The following RBL1 variants were observed in gnomAD, a reference collection of about 807,000 sequenced individuals.
RBL1 encodes RB transcriptional corepressor like 1.
RBL1 carries 82 observed loss-of-function variants against 123.0 expected under a neutral mutation model. That is an observed-to-expected ratio of 0.67 (90% CI 0.56 to 0.80). The LOEUF (loss-of-function observed/expected upper bound fraction) is 0.80. Among genes scored for constraint, RBL1 ranks in the 30% least tolerant of loss-of-function variants. RBL1 has a pLI of 0.00. For synonymous variants in RBL1, 405 were observed against 441.3 expected, an observed-to-expected ratio of 0.92 and a Z score of 1.03; for missense variants, 1,171 against 1,299.6, an observed-to-expected ratio of 0.90 and a Z score of 1.52.
At chr20:37,059,509 A>G (rs536042787) in intron 9 of RBL1, among the ~76,000 whole-genome samples, 1 of 152,318 alleles carries the variant, frequency 6.6e-6, no homozygotes, top group African/African-American at 2.4e-5. Flanking sequence ...CTGGTGGTAC[A>G]TACGGACTTT....
intron 9 of RBL1, among the ~76,000 whole-genome samples, chr20:37,058,572 G>GT (rs1429815181): frequency 1.1e-4 from 16 of 150,790 alleles, no homozygotes; most frequent in Non-Finnish European, 1.0e-4. Flanking sequence ...TATTTGTTTT[G>GT]TTTTTTTGTT....
intron 11 of RBL1, among the ~76,000 whole-genome samples, chr20:37,054,949 G>A (rs1402431249): frequency 6.6e-6 from 1 of 152,000 alleles, no homozygotes; most frequent in Non-Finnish European, 1.5e-5. Flanking sequence ...GAAAAGACAT[G>A]AAAAAAATTT....
intron 17 of RBL1, 25 bp downstream of exon 17, chr20:37,022,625 C>G (rs780122939): frequency 6.3e-7 from 1 of 1,579,862 alleles, no homozygotes; most frequent in Non-Finnish European, 8.6e-7. Context: ...CCATGCCCAG[C>G]CTCTTCTCCC....
intron 2 of RBL1, among the ~76,000 whole-genome samples, chr20:37,068,965 C>G (rs988790736): frequency 1.3e-5 from 2 of 152,278 alleles, no homozygotes; most frequent in Admixed American, 6.5e-5. Flanking sequence ...TCTCCTGACT[C>G]AGCCTGCCGA....
intron 16 of RBL1, among the ~76,000 whole-genome samples, chr20:37,031,802 G>C (rs1390320440): frequency 6.6e-6 from 1 of 151,682 alleles, no homozygotes; most frequent in Non-Finnish European, 1.5e-5. Flanking sequence ...GCAGTGGTGT[G>C]ATCTCGACTC....
intron 21 of RBL1, among the ~76,000 whole-genome samples, chr20:37,000,904 T>C (rs1427600666): frequency 9.3e-6 from 1 of 108,006 alleles, no homozygotes; most frequent in Admixed American, 9.6e-5. Flanking sequence ...GGTGGGGGGG[T>C]CAGCCCCCCG....
chr20:37,030,900 G>C (rs1460564454), intron 16 of RBL1, among the ~76,000 whole-genome samples: 1 of 149,960 alleles, frequency 6.7e-6, no homozygotes, highest in South Asian at 2.1e-4. Context: ...ACGAAAATTA[G>C]CTGGGCATGG....
intron 1 of RBL1, among the ~76,000 whole-genome samples, chr20:37,094,342 G>C (rs1050886686): frequency 6.6e-6 from 1 of 152,134 alleles, no homozygotes. Context: ...TCTTCCCACA[G>C]CTCTCCAGTC....
intron 7 of RBL1, among the ~76,000 whole-genome samples, chr20:37,064,135 CTTTCTTTTT>C (rs941903207): frequency 1.2e-4 from 17 of 143,184 alleles, no homozygotes; most frequent in Non-Finnish European, 2.1e-4. Context: ...AATTTCTTTT[CTTTCTTTTT>C]TTTTTTTTTT....
At chr20:37,084,214 T>G (rs547831688) in intron 2 of RBL1, among the ~76,000 whole-genome samples, 4 of 152,210 alleles carry the variant, frequency 2.6e-5, no homozygotes, top group African/African-American at 9.6e-5. Context: ...AAGATACATC[T>G]TTTGACCCAT....
chr20:37,033,954 T>C (rs2064561171), intron 15 of RBL1, among the ~76,000 whole-genome samples: 1 of 151,280 alleles, frequency 6.6e-6, no homozygotes, highest in African/African-American at 2.4e-5. Flanking sequence ...TTTCTTTTTT[T>C]TTTTGACAAT....
chr20:37,084,003 G>A (rs532031453), intron 2 of RBL1, among the ~76,000 whole-genome samples: 1 of 150,552 alleles, frequency 6.6e-6, no homozygotes, highest in Non-Finnish European at 1.5e-5. Flanking sequence ...CCACCTCCTG[G>A]GTTCAAGTGA....
intron 9 of RBL1, among the ~76,000 whole-genome samples, chr20:37,058,775 T>G (rs911185147): frequency 1.1e-4 from 17 of 152,008 alleles, no homozygotes; most frequent in African/African-American, 2.7e-4. Context: ...TTTTTTTTTT[T>G]TTGTTGAGAT....
At chr20:37,062,367 AC>A (rs2065110546) in intron 7 of RBL1, 97 bp from the exon 8 acceptor site, 1 of 1,464,470 alleles carries the variant, frequency 6.8e-7, no homozygotes, top group Non-Finnish European at 9.0e-7. Context: ...AGAAAACTTG[AC>A]AACTTTCTAA....
At chr20:37,003,919 G>C in intron 20 of RBL1, 53 bp from the exon 21 acceptor site, 1 of 1,471,672 alleles carries the variant, frequency 6.8e-7, no homozygotes. Context: ...CTTTGTTTTT[G>C]AATCCCATAT....
In RBL1 at chr20:37,091,990, T is replaced by A. The variant is rs7267509; in HGVS notation, c.157-2868A>T. On this transcript the variant is annotated intron_variant, in intron 1 of 21. Coordinates refer to ENST00000373664, the MANE Select transcript of RBL1 (RefSeq NM_002895.5). Reference sequence around the variant, plus strand: ...GGTCATGGTGGCTTACGCATGTAATTCCAGCACTTTGGGAAGCTGATGTGG... The same window carrying A: ...GGTCATGGTGGCTTACGCATGTAATACCAGCACTTTGGGAAGCTGATGTGG... 8.3e-3 allele frequency among the ~76,000 whole-genome samples: 1,260 copies of A among 152,156 alleles called. 19 individuals are homozygous for A. Among genetic ancestry groups the A allele is most frequent in the African/African-American group, 0.029 (1,198 of 41,522 alleles).
chr20:37,049,512 T>A lies in RBL1; in HGVS notation c.1468-2322A>T, dbSNP rs1372255823. On this transcript the variant is annotated intron_variant, in intron 11 of 21. Coordinates refer to ENST00000373664, the MANE Select transcript of RBL1 (RefSeq NM_002895.5). The stretch of plus-strand genomic sequence containing the variant: ...AGTCTTACACCACTCCCAAGAAGAG[T>A]AAGCACAAGAGAAAGAAGGTTAAGC... The A allele has an allele frequency of 7.9e-5, 60 of 755,402 alleles. No individual in the cohort carries two copies. In the East Asian group the frequency reaches 1.4e-3, roughly 18 times the overall value. The allele number at this position is 755,402 out of a possible 1,614,324, so 46.8% of individuals were successfully genotyped here.
chr20:37,040,367 T>G, intron 13 of RBL1, 82 bp from the exon 14 acceptor site: 1 of 1,533,268 alleles, frequency 6.5e-7, no homozygotes, highest in Non-Finnish European at 8.7e-7. Flanking sequence ...CTTTTCTTTT[T>G]TTGAGATAAA....
At chr20:37,069,800 G>A (rs1034906490) in intron 2 of RBL1, among the ~76,000 whole-genome samples, 9 of 151,764 alleles carry the variant, frequency 5.9e-5, no homozygotes, top group Admixed American at 2.0e-4. Flanking sequence ...GGGAGGTGGG[G>A]GGGTCAGCCC....
Sources: allele counts gnomAD v4.1 joint callset (sites outside exome capture counted in the v4.1 genomes callset), GRCh38; gene constraint gnomAD v4.1.1; transcripts MANE v1.5; gene names NCBI Gene and HGNC (gene_info 2026-07-23, HGNC 2026-07-21).